Variants in DENND6A observed in about 807,000 individuals in gnomAD.
The protein encoded by DENND6A is protein DENND6A.
DENND6A carries 43 observed loss-of-function variants against 95.5 expected under a neutral mutation model. The observed-to-expected ratio is 0.45, with a 90% CI of 0.35 to 0.58. The LOEUF (loss-of-function observed/expected upper bound fraction) is 0.58, where lower values mean the gene tolerates loss of function less well. DENND6A is among the 20% of genes least tolerant of loss of function. DENND6A has a pLI of 0.00. For missense variants in DENND6A, 574 were observed against 736.0 expected (o/e 0.78, Z 2.55); for synonymous variants, 257 against 260.4 (o/e 0.99, Z 0.13).
In DENND6A at chr3:57,660,765, T is replaced by C; in HGVS notation, c.694A>G (p.Met232Val). The stretch of plus-strand genomic sequence containing the variant: ...ATTGAGATATAAGATATTACCTTCA[T>C]TACCACCCCCATGATTGGCAGGTGT... ...TLHLPIMGVV[M>V]KVRIPTCHDK... Residue 232 changes from methionine (M) to valine (V), a missense_variant, in exon 7 of 20, where the codon ATG becomes GTG. Coordinates refer to ENST00000311128, the MANE Select transcript of DENND6A (RefSeq NM_152678.3). 1 of 1,606,642 alleles carries C rather than the reference T, an allele frequency of 6.2e-7. No individual in the cohort carries two copies. The highest frequency in any genetic ancestry group is 8.5e-7 in the Non-Finnish European group (1 of 1,176,758).
chr3:57,634,475 T>C, intron 14 of DENND6A, 83 bp downstream of exon 14: 1 of 686,546 alleles, frequency 1.5e-6, no homozygotes, highest in Non-Finnish European at 2.1e-6. Flanking sequence ...TTCACATTAG[T>C]ATACATAAAG....
At chr3:57,642,728 G>A (rs1344812043) in intron 11 of DENND6A, among the ~76,000 whole-genome samples, 1 of 152,104 alleles carries the variant, frequency 6.6e-6, no homozygotes, top group Non-Finnish European at 1.5e-5. Flanking sequence ...CAATCGGCCA[G>A]GCGCGGTGGC....
chr3:57,671,174 A>T (rs965722019), intron 3 of DENND6A, among the ~76,000 whole-genome samples: 5 of 152,298 alleles, frequency 3.3e-5, no homozygotes, highest in Admixed American at 1.3e-4. Context: ...GCTAAAAAAA[A>T]TTTTGTTTAA....
intron 8 of DENND6A, 113 bp downstream of exon 8, chr3:57,659,005 A>C: frequency 1.1e-6 from 1 of 912,978 alleles, no homozygotes. Context: ...GGGACATTTC[A>C]GTAATATTCA....
chr3:57,657,000 A>G (rs551700773), intron 9 of DENND6A, among the ~76,000 whole-genome samples: 1 of 152,180 alleles, frequency 6.6e-6, no homozygotes, highest in African/African-American at 2.4e-5. Flanking sequence ...ATCCATTTTA[A>G]GTCTTTCATG....
In DENND6A at chr3:57,663,747, G is replaced by GT. The variant is rs747820880; in HGVS notation, c.433-32_433-31insA. ...AAGAAAGTGACAAGTAAGTGTGTGTGGGGGGGTACATATATATGTATCTAT... is the reference window on the plus strand; with the variant it reads ...AAGAAAGTGACAAGTAAGTGTGTGTGTGGGGGGTACATATATATGTATCTAT... On this transcript the variant is annotated intron_variant, in intron 4 of 19. Coordinates refer to ENST00000311128, the MANE Select transcript of DENND6A (RefSeq NM_152678.3). 27 of 1,332,356 alleles carry GT rather than the reference G, an allele frequency of 2.0e-5. No homozygotes were observed. In the African/African-American group the frequency reaches 4.5e-4, roughly 22 times the overall value. 82.5% of individuals were successfully genotyped at this position (1,332,356 alleles called of 1,614,324 possible). A position where few individuals can be genotyped will look rare whatever the true frequency, so the allele number is the denominator to read the frequency against.
At chr3:57,642,206 C>T (rs1285930454) in intron 11 of DENND6A, among the ~76,000 whole-genome samples, 2 of 149,902 alleles carry the variant, frequency 1.3e-5, no homozygotes, top group Non-Finnish European at 3.0e-5. Flanking sequence ...CCCAGCTACT[C>T]AGGAGGCTGA....
chr3:57,670,809 T>C (rs2071604606), intron 3 of DENND6A, among the ~76,000 whole-genome samples: 1 of 152,152 alleles, frequency 6.6e-6, no homozygotes, highest in Non-Finnish European at 1.5e-5. Context: ...TCCAGCATAA[T>C]TCACTGGGAT....
chr3:57,635,819 T>C (rs556801830), intron 12 of DENND6A, among the ~76,000 whole-genome samples: 2 of 152,306 alleles, frequency 1.3e-5, no homozygotes, highest in East Asian at 3.9e-4. Flanking sequence ...ACTGTGCATA[T>C]TCACTTATAC....
intron 1 of DENND6A, among the ~76,000 whole-genome samples, chr3:57,686,623 A>G (rs2077213780): frequency 6.6e-6 from 1 of 152,136 alleles, no homozygotes; most frequent in Non-Finnish European, 1.5e-5. Context: ...TTTTGTTACT[A>G]TTGTATCTGT....
intron 9 of DENND6A, among the ~76,000 whole-genome samples, chr3:57,656,499 A>G (rs2071329238): frequency 3.9e-5 from 6 of 152,202 alleles, no homozygotes; most frequent in African/African-American, 1.4e-4. Flanking sequence ...ATTTGCATAC[A>G]GGTCTTCATG....
chr3:57,646,236 A>G, intron 10 of DENND6A, 80 bp downstream of exon 10: 1 of 1,520,040 alleles, frequency 6.6e-7, no homozygotes, highest in Non-Finnish European at 8.8e-7. Context: ...ACAGGTGGGA[A>G]GTGCTGCAAA....
Position 57,666,204 on chromosome 3 carries a change from T to C in DENND6A, c.351A>G (p.Arg117=). 6.2e-7 allele frequency: 1 copy of C among 1,613,808 alleles called. No individual in the cohort carries two copies. The highest frequency in any genetic ancestry group is 8.5e-7 in the Non-Finnish European group (1 of 1,179,820). Residue 117 remains arginine (R), a synonymous_variant, in exon 4 of 20, where the codon AGA becomes AGG. Transcript: ENST00000311128. The part of the protein sequence containing the change: ...GCLGDTQFCF[R]FRQSSGRRVS... ...CCCTCCTCCCAGAAGACTGTCGAAA[T>C]CTAAAACAAAACTGGGTATCTCCAA...
Position 57,640,366 on chromosome 3 carries a change from G to A in DENND6A, c.1132+1287C>T, listed in dbSNP as rs371645757. 1.2e-4 allele frequency among the ~76,000 whole-genome samples: 19 copies of A among 152,114 alleles called. No individual in the cohort carries two copies. The South Asian group carries it at 4.0e-3, about 32-fold the overall frequency. On this transcript the variant is annotated intron_variant, in intron 12 of 19. Coordinates refer to ENST00000311128, the MANE Select transcript of DENND6A (RefSeq NM_152678.3). ...CCAGCACTTTGGGAGGCCAAGGTGG[G>A]CAGATCACCTGAGCTCAGGAGTTTG... is the stretch of plus-strand genomic sequence containing the variant.
chr3:57,645,022 AAAG>A (rs1284564277), intron 11 of DENND6A, among the ~76,000 whole-genome samples: 1 of 151,946 alleles, frequency 6.6e-6, no homozygotes, highest in Admixed American at 6.6e-5. Context: ...CTAGCTGTAA[AAAG>A]AAGGTGAGCG....
intron 7 of DENND6A, 78 bp from the exon 8 acceptor site, chr3:57,659,258 G>A (rs2071382008): frequency 2.0e-6 from 3 of 1,483,362 alleles, no homozygotes; most frequent in African/African-American, 1.4e-5. Context: ...TGCTAAAAAG[G>A]TATGGTCAGT....
At chr3:57,689,719 A>G (rs989308676) in intron 1 of DENND6A, among the ~76,000 whole-genome samples, 1 of 152,180 alleles carries the variant, frequency 6.6e-6, no homozygotes, top group Non-Finnish European at 1.5e-5. Context: ...TGAGTTAAAG[A>G]TTCACTCTTT....
At chr3:57,648,494 G>A (rs911547047) in intron 9 of DENND6A, among the ~76,000 whole-genome samples, 11 of 151,774 alleles carry the variant, frequency 7.2e-5, no homozygotes, top group South Asian at 2.1e-4. Flanking sequence ...CCCATCATTC[G>A]TCACAGAACT....
At chr3:57,628,756 G>T in intron 19 of DENND6A, 55 bp downstream of exon 19, 1 of 1,551,278 alleles carries the variant, frequency 6.4e-7, no homozygotes, top group Non-Finnish European at 8.8e-7. Flanking sequence ...TCACATGAGA[G>T]GACAATGTCT....
Sources: allele counts gnomAD v4.1 joint callset (sites outside exome capture counted in the v4.1 genomes callset), GRCh38; gene constraint gnomAD v4.1.1; transcripts MANE v1.5; gene names NCBI Gene and HGNC (gene_info 2026-07-23, HGNC 2026-07-21).